Variants in PTPRT observed in about 807,000 individuals in gnomAD.
PTPRT encodes receptor-type tyrosine-protein phosphatase T.
A neutral mutation model predicts 176.8 loss-of-function variants in PTPRT; 56 were observed. That is an observed-to-expected ratio of 0.32 (90% CI 0.26 to 0.40). The LOEUF is 0.40. Ranked by LOEUF, PTPRT falls within the 10% of genes least tolerant of loss-of-function variation. The pLI is 1.00. For missense variants in PTPRT, 1,540 were observed against 1,908.2 expected (o/e 0.81, Z 3.60); for synonymous variants, 783 against 739.0 (o/e 1.06, Z -0.96).
intron 9 of PTPRT, among the ~76,000 whole-genome samples, chr20:42,415,829 G>T (rs2059061223): frequency 1.3e-5 from 2 of 152,080 alleles, no homozygotes; most frequent in Non-Finnish European, 2.9e-5. Context: ...ATTTATAGGG[G>T]TGAAACATTA....
At chr20:42,287,541 A>C (rs2057250617) in intron 12 of PTPRT, among the ~76,000 whole-genome samples, 1 of 151,782 alleles carries the variant, frequency 6.6e-6, no homozygotes, top group Non-Finnish European at 1.5e-5. Flanking sequence ...GATCTCATAG[A>C]GGTAAAAAGC....
chr20:43,141,033 G>A (rs756183831), intron 1 of PTPRT, among the ~76,000 whole-genome samples: 6 of 152,160 alleles, frequency 3.9e-5, no homozygotes, highest in Non-Finnish European at 8.8e-5. Flanking sequence ...GAAAATTGTA[G>A]CACAAATGCC....
chr20:42,122,983 T>C (rs77575883), intron 19 of PTPRT, among the ~76,000 whole-genome samples: 3,178 of 152,292 alleles, frequency 0.021, 117 homozygotes, highest in African/African-American at 0.071. Flanking sequence ...AGTGGCCCAG[T>C]AGGGCTTTGT....
At chr20:42,180,736 A>G (rs1489028816) in intron 16 of PTPRT, among the ~76,000 whole-genome samples, 2 of 152,188 alleles carry the variant, frequency 1.3e-5, no homozygotes, top group Non-Finnish European at 2.9e-5. Context: ...AATCTTAGAA[A>G]TCAGTGGAGT....
intron 1 of PTPRT, among the ~76,000 whole-genome samples, chr20:43,052,653 C>T (rs1208929932): frequency 6.6e-6 from 1 of 152,180 alleles, no homozygotes; most frequent in African/African-American, 2.4e-5. Flanking sequence ...AATTCAGATA[C>T]CATATGATTC....
intron 1 of PTPRT, among the ~76,000 whole-genome samples, chr20:43,100,210 C>G (rs1349152900): frequency 1.3e-5 from 2 of 152,216 alleles, no homozygotes; most frequent in Non-Finnish European, 1.5e-5. Flanking sequence ...AACCCCATCT[C>G]TACTAAAAAT....
intron 18 of PTPRT, among the ~76,000 whole-genome samples, chr20:42,135,796 C>A (rs1214395769): frequency 3.3e-5 from 5 of 152,108 alleles, no homozygotes; most frequent in African/African-American, 1.2e-4. Flanking sequence ...ATGAGAAATT[C>A]AAGGCTCCAA....
intron 29 of PTPRT, among the ~76,000 whole-genome samples, chr20:42,082,952 G>A (rs1983487802): frequency 6.6e-6 from 1 of 152,078 alleles, no homozygotes; most frequent in African/African-American, 2.4e-5. Flanking sequence ...ACAGAGAGTT[G>A]CTTTCCATTC....
chr20:42,566,383 G>T (rs1044849521), intron 7 of PTPRT, among the ~76,000 whole-genome samples: 2 of 152,170 alleles, frequency 1.3e-5, no homozygotes, highest in Non-Finnish European at 2.9e-5. Context: ...TGATCCTCTT[G>T]CCTTGGCCAC....
rs1986586075 is a variant in PTPRT at position 43,041,076 on chromosome 20, T to A, written c.88+148570A>T. Among the ~76,000 whole-genome samples the A allele has an allele frequency of 2.0e-5, 3 of 152,302 alleles. No homozygotes were observed. In the South Asian group the frequency reaches 6.2e-4, roughly 32 times the overall value. On this transcript the variant is annotated intron_variant, in intron 1 of 30. Transcript: ENST00000373187. ...TGCATAGAGCCCAGCAATCTGTGGT[T>A]TAACAAGCCCTGCATGTGATTCTAA... is the stretch of plus-strand genomic sequence containing the variant.
intron 1 of PTPRT, among the ~76,000 whole-genome samples, chr20:42,998,306 G>C (rs1020823721): frequency 6.6e-6 from 1 of 152,138 alleles, no homozygotes; most frequent in African/African-American, 2.4e-5. Context: ...CCCCTGGGGA[G>C]ACCACTGGAA....
At chr20:42,492,852 T>C (rs1206197358) in intron 7 of PTPRT, among the ~76,000 whole-genome samples, 1 of 152,210 alleles carries the variant, frequency 6.6e-6, no homozygotes, top group Non-Finnish European at 1.5e-5. Context: ...AAAGAATGAC[T>C]TTCTCTGTTT....
At chr20:42,565,460 T>A (rs555111639) in intron 7 of PTPRT, among the ~76,000 whole-genome samples, 1 of 151,708 alleles carries the variant, frequency 6.6e-6, no homozygotes, top group Non-Finnish European at 1.5e-5. Context: ...CACACGTTTT[T>A]CTCATGCCCA....
At chr20:43,122,504 T>G (rs757612802) in intron 1 of PTPRT, among the ~76,000 whole-genome samples, 9 of 152,196 alleles carry the variant, frequency 5.9e-5, no homozygotes, top group Non-Finnish European at 1.2e-4. Flanking sequence ...ATTCCCAGTG[T>G]TGGAGGTGGG....
intron 12 of PTPRT, among the ~76,000 whole-genome samples, chr20:42,286,798 T>C (rs1417347011): frequency 6.6e-6 from 1 of 150,994 alleles, no homozygotes; most frequent in East Asian, 1.9e-4. Context: ...ATAAACAGAG[T>C]ACAAAGGCAA....
chr20:42,917,058 C>T (rs547486856), intron 1 of PTPRT, among the ~76,000 whole-genome samples: 1 of 152,100 alleles, frequency 6.6e-6, no homozygotes, highest in African/African-American at 2.4e-5. Context: ...CTGAATGGTA[C>T]TGCCTAGGTT....
At chr20:42,949,958 G>A (rs187579806) in intron 1 of PTPRT, among the ~76,000 whole-genome samples, 172 of 152,232 alleles carry the variant, frequency 1.1e-3, no homozygotes, top group Non-Finnish European at 4.0e-4. Flanking sequence ...TGTATCCAAC[G>A]AACAAATGAA....
chr20:42,419,003 G>T lies in PTPRT; in HGVS notation c.1560+29217C>A, dbSNP rs1334410278. On this transcript the variant is annotated intron_variant, in intron 9 of 30. Transcript: ENST00000373187. Reference sequence around the variant, plus strand: ...CAGCGTATCCCAACTGCATAGAACAGTTCCCAGCATATAATGAGTGTTGAA... The same window carrying T: ...CAGCGTATCCCAACTGCATAGAACATTTCCCAGCATATAATGAGTGTTGAA... 3.9e-5 allele frequency among the ~76,000 whole-genome samples: 6 copies of T among 152,302 alleles called. No individual in the cohort carries two copies. In the East Asian group the frequency reaches 9.7e-4, roughly 25 times the overall value.
intron 11 of PTPRT, among the ~76,000 whole-genome samples, chr20:42,320,704 G>C (rs1173653085): frequency 6.6e-6 from 1 of 152,142 alleles, no homozygotes; most frequent in Non-Finnish European, 1.5e-5. Context: ...ATCAGGCAAA[G>C]TCCCAGTCTT....
Sources: allele counts gnomAD v4.1 joint callset (sites outside exome capture counted in the v4.1 genomes callset), GRCh38; gene constraint gnomAD v4.1.1; transcripts MANE v1.5; gene names NCBI Gene and HGNC (gene_info 2026-07-23, HGNC 2026-07-21).